BTLA: variants seen among roughly 807,000 people sequenced by gnomAD.
The protein encoded by BTLA is B and T lymphocyte associated.
A neutral mutation model predicts 25.0 loss-of-function variants in BTLA; 11 were observed. The observed-to-expected ratio is 0.44, with a 90% CI of 0.28 to 0.73. BTLA has a LOEUF of 0.73. Ranked by LOEUF, BTLA falls within the 30% of genes least tolerant of loss-of-function variation. BTLA has a pLI of 0.15. For missense variants in BTLA, 282 were observed against 332.8 expected (o/e 0.85, Z 1.19); for synonymous variants, 104 against 119.8 (o/e 0.87, Z 0.86).
Position 112,499,309 on chromosome 3 carries a change from A to G in BTLA, c.50T>C (p.Phe17Ser). ...GATGTCCAGATATGGGATTAAGAAG[A>G]AGACCCAAAATAATTTCCCAGTTCC... The part of the protein sequence containing the change: ...MLGTGKLFWV[F>S]FLIPYLDIWN... Residue 17 changes from phenylalanine (F) to serine (S), a missense_variant, in exon 1 of 5, where the codon TTC becomes TCC. By Grantham distance (155) the Phe-to-Ser change is radical. This residue lies in a region of BTLA where 163 missense variants were observed against 230.4 expected (regional missense o/e 0.71). Transcript: ENST00000334529. The G allele has an allele frequency of 1.2e-6, 2 of 1,613,306 alleles. No homozygotes were observed. The highest frequency in any genetic ancestry group is 2.2e-5 in the South Asian group (2 of 91,062).
chr3:112,479,464 A>G lies in BTLA; in HGVS notation c.394T>C (p.Tyr132His). 2 of 1,610,196 alleles carry G rather than the reference A, an allele frequency of 1.2e-6. No individual in the cohort carries two copies. Among genetic ancestry groups the G allele is most frequent in the African/African-American group, 1.3e-5 (1 of 74,952 alleles). Residue 132 changes from tyrosine to histidine, a missense_variant, in exon 2 of 5, where the codon TAT becomes CAT. Transcript: ENST00000334529. The part of the protein sequence containing the change: ...NLIESHSTTL[Y>H]VTDVKSASER... ...GGTGTTGAGAACTCACCTGTCACAT[A>G]AAGAGTTGTTGAGTGGCTTTCAATG...
chr3:112,482,697 C>T (rs182489770), intron 1 of BTLA, among the ~76,000 whole-genome samples: 197 of 152,200 alleles, frequency 1.3e-3, no homozygotes, highest in African/African-American at 4.3e-3. Flanking sequence ...GCTTTGAGAC[C>T]TCAAGCAAGT....
Position 112,471,229 on chromosome 3 carries a change from C to A in BTLA, c.530G>T (p.Cys177Phe). The A allele has an allele frequency of 5.0e-6, 8 of 1,613,920 alleles. No individual in the cohort carries two copies. Among genetic ancestry groups the A allele is most frequent in the Non-Finnish European group, 6.8e-6 (8 of 1,179,888 alleles). The change falls in exon 3 of 5, where the codon TGC becomes TTC. Residue 177 changes from cysteine to phenylalanine, a missense_variant. Coordinates refer to ENST00000334529, the MANE Select transcript of BTLA (RefSeq NM_181780.4). ...LITTCFCLFCCLRRHQGKQNE... is the reference protein window; with the variant it reads ...LITTCFCLFCFLRRHQGKQNE... ...GAACCCACCTTGGTGCCTTCTCAGG[C>A]AGCAGAACAGGCAGAAACAGGTAGT...
chr3:112,478,727 T>G (rs1203665002), intron 2 of BTLA, among the ~76,000 whole-genome samples: 1 of 152,184 alleles, frequency 6.6e-6, no homozygotes, highest in Non-Finnish European at 1.5e-5. Context: ...GCTCTAAGCC[T>G]TTCACCATTG....
rs988464924 is a variant in BTLA at position 112,464,364 on chromosome 3, A to G, written c.*1744T>C. 10 of 383,244 alleles carry G rather than the reference A, an allele frequency of 2.6e-5. No homozygotes were observed. The highest frequency in any genetic ancestry group is 4.6e-5 in the Non-Finnish European group (10 of 216,140). The allele number at this position is 383,244 out of a possible 1,614,324, so 23.7% of individuals were successfully genotyped here. On this transcript the variant is annotated 3_prime_UTR_variant, in exon 5 of 5. Transcript: ENST00000334529. ...TTTCGTGTGTTCATCTGATAAGAGG[A>G]CAGCTAAATGTATCCTCCCCATATT...
Position 112,464,126 on chromosome 3 carries a change from G to A in BTLA, c.*1982C>T, listed in dbSNP as rs568018722. On this transcript the variant is annotated 3_prime_UTR_variant, in exon 5 of 5. Transcript: ENST00000334529. ...AAATAATAGTGAAGTAGAGTCATTT[G>A]GGAAAATGCATGTATGTCTCTGACA... 3.3e-5 allele frequency: 13 copies of A among 397,912 alleles called. 1 individual carries two copies. In the South Asian group the frequency reaches 1.7e-3, roughly 51 times the overall value. The allele number at this position is 397,912 out of a possible 1,614,324, so 24.6% of individuals were successfully genotyped here. A position where few individuals can be genotyped will look rare whatever the true frequency, so the allele number is the denominator to read the frequency against.
At position 112,464,148 on chromosome 3, in the gene BTLA, GAC is replaced by G. The variant is rs2082212226; in HGVS notation, c.*1958_*1959del. 1 of 397,550 alleles carries G rather than the reference GAC, an allele frequency of 2.5e-6. No homozygotes were observed. The highest frequency in any genetic ancestry group is 4.4e-6 in the Non-Finnish European group (1 of 225,488). The allele number at this position is 397,550 out of a possible 1,614,324, so 24.6% of individuals were successfully genotyped here. The stretch of plus-strand genomic sequence containing the variant: ...TTTGGGAAAATGCATGTATGTCTCT[GAC>G]ACCATTTTGAAAAGGAATAAAAACA... On this transcript the variant is annotated 3_prime_UTR_variant, in exon 5 of 5. Transcript: ENST00000334529.
At position 112,464,143 on chromosome 3, in the gene BTLA, T is replaced by G. The variant is rs2082212153; in HGVS notation, c.*1965A>C. 2 of 397,974 alleles carry G rather than the reference T, an allele frequency of 5.0e-6. No homozygotes were observed. The highest frequency in any genetic ancestry group is 2.1e-5 in the African/African-American group (1 of 48,610). 24.7% of individuals were successfully genotyped at this position (397,974 alleles called of 1,614,324 possible). ...AGTCATTTGGGAAAATGCATGTATGTCTCTGACACCATTTTGAAAAGGAAT... is the reference window on the plus strand; with the variant it reads ...AGTCATTTGGGAAAATGCATGTATGGCTCTGACACCATTTTGAAAAGGAAT... On this transcript the variant is annotated 3_prime_UTR_variant, in exon 5 of 5. Transcript: ENST00000334529.
At chr3:112,477,841 T>C (rs1044621602) in intron 2 of BTLA, among the ~76,000 whole-genome samples, 1 of 152,040 alleles carries the variant, frequency 6.6e-6, no homozygotes, top group Non-Finnish European at 1.5e-5. Flanking sequence ...CTTTTACATA[T>C]GAATATCCAA....
At position 112,465,842 on chromosome 3, in the gene BTLA, C is replaced by T. The variant is rs138145669; in HGVS notation, c.*266G>A. ...TGGGTAAAATGTAGCTAAGTTTAAACGTTCTACTATTCTGCTACTCATGAT... is the reference window on the plus strand; with the variant it reads ...TGGGTAAAATGTAGCTAAGTTTAAATGTTCTACTATTCTGCTACTCATGAT... On this transcript the variant is annotated 3_prime_UTR_variant, in exon 5 of 5. Transcript: ENST00000334529. 660 of 306,230 alleles carry T rather than the reference C, an allele frequency of 2.2e-3. 3 individuals are homozygous for T. The highest frequency in any genetic ancestry group is 0.014 in the South Asian group (114 of 7,864). The allele number at this position is 306,230 out of a possible 1,614,324, so 19.0% of individuals were successfully genotyped here.
intron 2 of BTLA, 39 bp from the exon 3 acceptor site, chr3:112,471,394 T>C (rs2107311459): frequency 1.2e-6 from 2 of 1,602,862 alleles, no homozygotes; most frequent in Middle Eastern, 1.7e-4. Flanking sequence ...TTAGGAAATC[T>C]GAGATATATT....
Position 112,466,629 on chromosome 3 carries a change from G to A in BTLA, c.595-246C>T, listed in dbSNP as rs563961285. ...TTGTGCTTTATTACTGGTCACTTTTGAGGTCACAGAACATTTTTTAATCCC... is the reference window on the plus strand; with the variant it reads ...TTGTGCTTTATTACTGGTCACTTTTAAGGTCACAGAACATTTTTTAATCCC... On this transcript the variant is annotated intron_variant, in intron 4 of 4. Coordinates refer to ENST00000334529, the MANE Select transcript of BTLA (RefSeq NM_181780.4). 2.6e-5 allele frequency among the ~76,000 whole-genome samples: 4 copies of A among 152,250 alleles called. No homozygotes were observed. In the South Asian group the frequency reaches 8.3e-4, roughly 32 times the overall value.
chr3:112,479,631 C>T lies in BTLA; in HGVS notation c.227G>A (p.Gly76Glu). ...ATCTTCAAGTTTTACACATGTTGTT[C>T]CATTGAGCTTGCACCAAGTCACATG... is the stretch of plus-strand genomic sequence containing the variant. Reference protein sequence around the residue: ...RPHVTWCKLNGTTCVKLEDRQ... With the variant: ...RPHVTWCKLNETTCVKLEDRQ... Residue 76 changes from glycine to glutamate, a missense_variant, in exon 2 of 5, where the codon GGA becomes GAA. Coordinates refer to ENST00000334529, the MANE Select transcript of BTLA (RefSeq NM_181780.4). 6.2e-7 allele frequency: 1 copy of T among 1,614,126 alleles called. No individual in the cohort carries two copies. The highest frequency in any genetic ancestry group is 8.5e-7 in the Non-Finnish European group (1 of 1,180,008).
chr3:112,472,367 G>A (rs1216139554), intron 2 of BTLA, among the ~76,000 whole-genome samples: 3 of 151,442 alleles, frequency 2.0e-5, no homozygotes, highest in Non-Finnish European at 4.4e-5. Context: ...TTTTAATTTT[G>A]GGTTACAGTT....
intron 1 of BTLA, among the ~76,000 whole-genome samples, chr3:112,493,025 C>T (rs2082388175): frequency 6.6e-6 from 1 of 152,168 alleles, no homozygotes; most frequent in Admixed American, 6.5e-5. Context: ...ACATGCTGCA[C>T]ACAAGCCACT....
At chr3:112,470,383 C>G (rs1238444562) in intron 3 of BTLA, 1 of 152,276 alleles carries the variant, frequency 6.6e-6, no homozygotes, top group Non-Finnish European at 1.5e-5. Context: ...CACTTTTGCC[C>G]AGTCAAAGGT....
chr3:112,463,995 C>A lies in BTLA; in HGVS notation c.*2113G>T. ...TTTCAAATAAGTTTTAATAACTTTA[C>A]CTTCTCATTGAGCACAATCACAAGC... On this transcript the variant is annotated 3_prime_UTR_variant, in exon 5 of 5. Transcript: ENST00000334529. 1 of 341,428 alleles carries A rather than the reference C, an allele frequency of 2.9e-6. No individual in the cohort carries two copies. The highest frequency in any genetic ancestry group is 5.2e-6 in the Non-Finnish European group (1 of 190,984). The allele number at this position is 341,428 out of a possible 1,614,324, so 21.1% of individuals were successfully genotyped here.
chr3:112,471,126 A>T, intron 3 of BTLA, 86 bp downstream of exon 3: 1 of 1,414,800 alleles, frequency 7.1e-7, no homozygotes, highest in Non-Finnish European at 9.5e-7. Flanking sequence ...AGAAAACAAC[A>T]GGAAGAAACT....
Position 112,464,423 on chromosome 3 carries a change from C to T in BTLA, c.*1685G>A, listed in dbSNP as rs2082213984. ...CTATTTTTAAGAATACCACAAGCAG[C>T]TATTCTAACATGTCTTTCTTACATA... is the stretch of plus-strand genomic sequence containing the variant. On this transcript the variant is annotated 3_prime_UTR_variant, in exon 5 of 5. Coordinates refer to ENST00000334529, the MANE Select transcript of BTLA (RefSeq NM_181780.4). 6.0e-6 allele frequency: 2 copies of T among 334,918 alleles called. No individual in the cohort carries two copies. The highest frequency in any genetic ancestry group is 9.7e-5 in the Admixed American group (2 of 20,602). The allele number at this position is 334,918 out of a possible 1,614,324, so 20.7% of individuals were successfully genotyped here. A position where few individuals can be genotyped will look rare whatever the true frequency, so the allele number is the denominator to read the frequency against.
Sources: allele counts gnomAD v4.1 joint callset (sites outside exome capture counted in the v4.1 genomes callset), GRCh38; gene constraint gnomAD v4.1.1; regional missense constraint gnomAD v4.1.1; transcripts MANE v1.5; gene names NCBI Gene and HGNC (gene_info 2026-07-23, HGNC 2026-07-21).